Variants in LARP4B observed in about 807,000 individuals in gnomAD.
LARP4B encodes la-related protein 4B.
A neutral mutation model predicts 89.8 loss-of-function variants in LARP4B; 12 were observed. The ratio of observed to expected loss-of-function variants is 0.13; its 90% CI spans 0.09 to 0.22. LARP4B has a LOEUF of 0.22. LARP4B is among the 10% of genes least tolerant of loss of function. The pLI, the probability that LARP4B is intolerant of heterozygous loss-of-function variation, is 1.00. For missense variants in LARP4B, 757 were observed against 947.7 expected, an observed-to-expected ratio of 0.80 and a Z score of 2.64; for synonymous variants, 367 against 363.3, an observed-to-expected ratio of 1.01 and a Z score of -0.12.
At chr10:922,071 C>A (rs901635643) in intron 1 of LARP4B, among the ~76,000 whole-genome samples, 1 of 151,170 alleles carries the variant, frequency 6.6e-6, no homozygotes, top group African/African-American at 2.4e-5. Flanking sequence ...ACAGACAGAG[C>A]GGAGGGGTCA....
intron 1 of LARP4B, among the ~76,000 whole-genome samples, chr10:891,177 G>A (rs1320982758): frequency 6.6e-6 from 1 of 151,444 alleles, no homozygotes; most frequent in Non-Finnish European, 1.5e-5. Context: ...ACCAACATGT[G>A]ATCATGACCC....
At chr10:907,768 G>C (rs1357476407) in intron 1 of LARP4B, among the ~76,000 whole-genome samples, 2 of 152,132 alleles carry the variant, frequency 1.3e-5, no homozygotes, top group East Asian at 1.9e-4. Context: ...TTCAGGATGG[G>C]AACTAGTCAC....
chr10:977,641 C>A, the LARP4B span, among the ~76,000 whole-genome samples: 13 of 152,042 alleles, frequency 8.6e-5, no homozygotes, highest in Non-Finnish European at 1.5e-4. Flanking sequence ...GCCTAGAGTT[C>A]TTTTTCTTGT....
chr10:872,187 C>A (rs758870536), intron 3 of LARP4B, among the ~76,000 whole-genome samples: 1 of 152,220 alleles, frequency 6.6e-6, no homozygotes, highest in Non-Finnish European at 1.5e-5. Context: ...GCCTGTAAAG[C>A]CTCCATCTGC....
At chr10:852,390 C>A (rs1307334063) in intron 5 of LARP4B, among the ~76,000 whole-genome samples, 2 of 152,186 alleles carry the variant, frequency 1.3e-5, no homozygotes, top group Non-Finnish European at 2.9e-5. Flanking sequence ...TAAAAAACAA[C>A]AAATATATGC....
At chr10:821,947 A>G (rs1018236617) in intron 13 of LARP4B, among the ~76,000 whole-genome samples, 5 of 151,894 alleles carry the variant, frequency 3.3e-5, no homozygotes, top group African/African-American at 7.2e-5. Context: ...TGACAACCCA[A>G]CCTCCTGTAG....
chr10:959,358 C>T, the LARP4B span, among the ~76,000 whole-genome samples: 19 of 146,778 alleles, frequency 1.3e-4, no homozygotes, highest in African/African-American at 4.9e-4. Context: ...CCCACCTCCC[C>T]GTCAATCCCA....
At chr10:847,577 A>C (rs1833837799) in intron 5 of LARP4B, among the ~76,000 whole-genome samples, 1 of 151,512 alleles carries the variant, frequency 6.6e-6, no homozygotes, top group Non-Finnish European at 1.5e-5. Flanking sequence ...GGAGTGCAGT[A>C]GCGCGATCTT....
At chr10:967,183 C>T in the LARP4B span, among the ~76,000 whole-genome samples, 1 of 152,204 alleles carries the variant, frequency 6.6e-6, no homozygotes, top group African/African-American at 2.4e-5. Context: ...GGAAAGCATC[C>T]ACGGTCAAGT....
At chr10:980,617 C>T in the LARP4B span, among the ~76,000 whole-genome samples, 2 of 152,184 alleles carry the variant, frequency 1.3e-5, no homozygotes, top group Non-Finnish European at 2.9e-5. Context: ...CCCCTTTGAA[C>T]CACGGCTGCA....
At chr10:960,966 G>T in the LARP4B span, among the ~76,000 whole-genome samples, 1 of 152,136 alleles carries the variant, frequency 6.6e-6, no homozygotes, top group Non-Finnish European at 1.5e-5. Context: ...ACTGCCCAAA[G>T]CCCCAGAGAG....
At chr10:936,371 C>G (rs529977471), upstream of LARP4B, among the ~76,000 whole-genome samples, 1 of 152,084 alleles carries the variant, frequency 6.6e-6, no homozygotes, top group South Asian at 2.1e-4. Context: ...GGGCCAGAGA[C>G]AAACCATCCA....
chr10:846,815 C>T (rs1833801150), intron 5 of LARP4B, among the ~76,000 whole-genome samples: 1 of 152,048 alleles, frequency 6.6e-6, no homozygotes, highest in Admixed American at 6.5e-5. Context: ...AGAAAAGCAG[C>T]CCAGGACTGA....
intron 1 of LARP4B, among the ~76,000 whole-genome samples, chr10:930,550 C>T (rs1052670986): frequency 6.6e-5 from 10 of 152,262 alleles, no homozygotes; most frequent in East Asian, 1.9e-4. Flanking sequence ...AAATTACATT[C>T]GCATGAAGTT....
At chr10:965,636 G>T in the LARP4B span, among the ~76,000 whole-genome samples, 1 of 151,940 alleles carries the variant, frequency 6.6e-6, no homozygotes, top group Non-Finnish European at 1.5e-5. Context: ...GTGCTGATTA[G>T]TTACATAATC....
chr10:813,076 G>A lies in LARP4B; in HGVS notation c.2067C>T (p.Pro689=), dbSNP rs150469438. 87 of 1,614,102 alleles carry A rather than the reference G, an allele frequency of 5.4e-5. No homozygotes were observed. The East Asian group carries it at 7.6e-4, about 14-fold the overall frequency. The part of the protein sequence containing the change: ...CGKEEKKLAE[P]AERYREPPAL... The stretch of plus-strand genomic sequence containing the variant: ...CTGGGGGCTCCCGGTATCTCTCTGC[G>A]GGCTCTGCCAGCTTCTTTTCCTCCT... Residue 689 remains proline (P), a synonymous_variant, in exon 18 of 18, where the codon CCC becomes CCT. Transcript: ENST00000316157.
intron 1 of LARP4B, among the ~76,000 whole-genome samples, chr10:917,106 ACT>A (rs1434253878): frequency 2.0e-5 from 3 of 152,172 alleles, no homozygotes; most frequent in Admixed American, 6.5e-5. Context: ...ATGATTGCTA[ACT>A]CTGTATATCA....
the LARP4B span, among the ~76,000 whole-genome samples, chr10:961,935 C>T: frequency 6.6e-6 from 1 of 152,090 alleles, no homozygotes; most frequent in African/African-American, 2.4e-5. Flanking sequence ...GCAACTTCTC[C>T]CTGTGTCTTC....
chr10:917,412 C>A (rs1836850975), intron 1 of LARP4B, among the ~76,000 whole-genome samples: 1 of 152,114 alleles, frequency 6.6e-6, no homozygotes, highest in African/African-American at 2.4e-5. Flanking sequence ...TCAATAAAAA[C>A]CGGTTTATTG....
Sources: allele counts gnomAD v4.1 joint callset (sites outside exome capture counted in the v4.1 genomes callset), GRCh38; gene constraint gnomAD v4.1.1; transcripts MANE v1.5; gene names NCBI Gene and HGNC (gene_info 2026-07-23, HGNC 2026-07-21).